Variants in UVRAG observed in about 807,000 individuals in gnomAD.
UVRAG encodes the protein UV radiation resistance associated, also known as UV radiation resistance-associated gene protein.
A neutral mutation model predicts 78.0 loss-of-function variants in UVRAG; 19 were observed. The ratio of observed to expected loss-of-function variants is 0.24; its 90% CI spans 0.17 to 0.36. The LOEUF is 0.36. Ranked by LOEUF, UVRAG falls within the 10% of genes least tolerant of loss-of-function variation. The pLI is 1.00. For missense variants in UVRAG, 740 were observed against 853.8 expected (o/e 0.87, Z 1.66); for synonymous variants, 323 against 324.6 (o/e 1.00, Z 0.05).
intron 6 of UVRAG, among the ~76,000 whole-genome samples, chr11:75,946,220 A>G (rs531341549): frequency 6.6e-6 from 1 of 152,336 alleles, no homozygotes; most frequent in African/African-American, 2.4e-5. Flanking sequence ...AGTATTAGCA[A>G]CATAGAAAGT....
chr11:75,921,493 A>G (rs1204693941), intron 6 of UVRAG, among the ~76,000 whole-genome samples: 1 of 152,118 alleles, frequency 6.6e-6, no homozygotes, highest in Non-Finnish European at 1.5e-5. Flanking sequence ...TGACAATTAC[A>G]TCTTGACTTA....
chr11:76,033,154 A>G (rs1170527440), intron 12 of UVRAG, among the ~76,000 whole-genome samples: 1 of 152,208 alleles, frequency 6.6e-6, no homozygotes, highest in Non-Finnish European at 1.5e-5. Flanking sequence ...TTAGGAAAGG[A>G]AAAATCATGG....
intron 6 of UVRAG, among the ~76,000 whole-genome samples, chr11:75,944,773 A>G (rs1948557171): frequency 6.6e-6 from 1 of 152,172 alleles, no homozygotes; most frequent in Non-Finnish European, 1.5e-5. Context: ...AGATAGAATT[A>G]TATTCAGCTC....
At chr11:75,875,979 G>C (rs1201353831) in intron 3 of UVRAG, among the ~76,000 whole-genome samples, 1 of 152,042 alleles carries the variant, frequency 6.6e-6, no homozygotes, top group African/African-American at 2.4e-5. Flanking sequence ...TTAGAGACCA[G>C]TGTGGGCAAC....
At chr11:75,879,731 T>C in intron 3 of UVRAG, 148 bp from the exon 4 acceptor site, 2 of 976,356 alleles carry the variant, frequency 2.0e-6, no homozygotes, top group Non-Finnish European at 1.5e-6. Context: ...TTGTGTTAAT[T>C]GTAATGTCTT....
chr11:75,857,002 C>T (rs1222448293), intron 2 of UVRAG, among the ~76,000 whole-genome samples: 1 of 152,188 alleles, frequency 6.6e-6, no homozygotes, highest in African/African-American at 2.4e-5. Context: ...ATTTCACATC[C>T]AGTCTTTCAG....
At chr11:76,093,696 G>A (rs1326402569) in intron 13 of UVRAG, among the ~76,000 whole-genome samples, 3 of 152,044 alleles carry the variant, frequency 2.0e-5, no homozygotes, top group African/African-American at 7.3e-5. Context: ...TGTGATTTTT[G>A]CACATTGATT....
At chr11:75,984,076 C>G (rs1490732935) in intron 8 of UVRAG, among the ~76,000 whole-genome samples, 1 of 152,130 alleles carries the variant, frequency 6.6e-6, no homozygotes, top group African/African-American at 2.4e-5. Context: ...TACGATTTTT[C>G]AGTTTTACAA....
chr11:76,101,649 T>C (rs1951881765), intron 13 of UVRAG, among the ~76,000 whole-genome samples: 1 of 152,202 alleles, frequency 6.6e-6, no homozygotes, highest in African/African-American at 2.4e-5. Context: ...CATGAAACCT[T>C]TGCCAGTTCC....
intron 11 of UVRAG, among the ~76,000 whole-genome samples, chr11:76,015,773 G>A (rs1591135288): frequency 6.6e-6 from 1 of 152,156 alleles, no homozygotes; most frequent in Non-Finnish European, 1.5e-5. Context: ...AAAGAAGAAT[G>A]CGAAAATTTT....
intron 11 of UVRAG, among the ~76,000 whole-genome samples, chr11:76,013,915 T>C (rs1950099319): frequency 1.3e-5 from 2 of 152,246 alleles, no homozygotes; most frequent in Non-Finnish European, 2.9e-5. Context: ...GAGTCTGTGA[T>C]GGAGCACTAT....
chr11:76,075,376 C>T (rs925574468), intron 13 of UVRAG, among the ~76,000 whole-genome samples: 40 of 152,110 alleles, frequency 2.6e-4, no homozygotes, highest in Admixed American at 4.6e-4. Context: ...TTTGGGAGGC[C>T]GAGGTGGGCG....
chr11:75,853,385 T>C (rs1016563716), intron 2 of UVRAG, among the ~76,000 whole-genome samples: 7 of 148,742 alleles, frequency 4.7e-5, no homozygotes, highest in Non-Finnish European at 1.0e-4. Flanking sequence ...AGACGGAGTT[T>C]CGCTGTGTCA....
intron 6 of UVRAG, chr11:75,916,250 CT>C (rs1214821991): frequency 6.6e-6 from 1 of 152,166 alleles, no homozygotes; most frequent in Non-Finnish European, 1.5e-5. Context: ...GGATGCAAGA[CT>C]TTGAGCAAGT....
intron 14 of UVRAG, among the ~76,000 whole-genome samples, chr11:76,127,849 TG>T (rs1268669504): frequency 6.6e-6 from 1 of 151,448 alleles, no homozygotes; most frequent in Non-Finnish European, 1.5e-5. Flanking sequence ...CCCAGCTACT[TG>T]GGAGGCTGAG....
At chr11:75,933,956 A>T (rs1948303039) in intron 6 of UVRAG, among the ~76,000 whole-genome samples, 1 of 152,200 alleles carries the variant, frequency 6.6e-6, no homozygotes, top group Non-Finnish European at 1.5e-5. Context: ...TCCTCAAAAA[A>T]ACTAAAAACT....
At chr11:76,118,264 G>A (rs1044555886) in intron 14 of UVRAG, among the ~76,000 whole-genome samples, 8 of 152,134 alleles carry the variant, frequency 5.3e-5, no homozygotes, top group African/African-American at 1.9e-4. Context: ...TTAGTATTTT[G>A]AGAGTGTGTT....
At chr11:76,068,348 AC>A (rs1305733671) in intron 13 of UVRAG, among the ~76,000 whole-genome samples, 1 of 152,154 alleles carries the variant, frequency 6.6e-6, no homozygotes, top group African/African-American at 2.4e-5. Flanking sequence ...AAGTATGCTG[AC>A]CTAGTTTTAC....
At chr11:76,084,879 T>C (rs1413321922) in intron 13 of UVRAG, among the ~76,000 whole-genome samples, 1 of 151,830 alleles carries the variant, frequency 6.6e-6, no homozygotes, top group Non-Finnish European at 1.5e-5. Context: ...CTGGCCAATG[T>C]GAAACCCCAT....
Sources: gnomAD v4.1 joint callset for allele counts (sites outside exome capture counted in the v4.1 genomes callset) on GRCh38, gnomAD v4.1.1 for gene constraint, MANE v1.5 for transcripts, NCBI Gene and HGNC (gene_info 2026-07-23, HGNC 2026-07-21) for gene names.